REV3L: variants seen among roughly 807,000 people sequenced by gnomAD.
REV3L encodes the protein REV3 like, DNA directed polymerase zeta catalytic subunit, also known as DNA polymerase zeta catalytic subunit.
Under a neutral mutation model 299.4 loss-of-function variants are expected in REV3L, and 69 were observed. That is an observed-to-expected ratio of 0.23 (90% CI 0.19 to 0.28). REV3L has a LOEUF of 0.28. REV3L is among the 10% of genes least tolerant of loss of function. REV3L has a pLI of 1.00. For missense variants in REV3L, 3,128 were observed against 3,693.8 expected (o/e 0.85, Z 3.97); for synonymous variants, 1,238 against 1,271.4 (o/e 0.97, Z 0.56).
At chr6:111,303,518 C>T (rs1238835646) in intron 31 of REV3L, among the ~76,000 whole-genome samples, 2 of 151,404 alleles carry the variant, frequency 1.3e-5, no homozygotes, top group Non-Finnish European at 2.9e-5. Context: ...AGGTGCCTGC[C>T]ACCATACCCT....
At chr6:111,415,489 T>C (rs1049506364) in intron 2 of REV3L, among the ~76,000 whole-genome samples, 2 of 152,134 alleles carry the variant, frequency 1.3e-5, no homozygotes, top group Non-Finnish European at 2.9e-5. Context: ...CTCTGTGTAT[T>C]TGGAGATCTG....
chr6:111,359,520 G>GAAAAAAAAAA (rs371680267), intron 16 of REV3L, among the ~76,000 whole-genome samples: 1 of 102,608 alleles, frequency 9.7e-6, no homozygotes, highest in Non-Finnish European at 1.8e-5. Context: ...AGTTTTTCCT[G>GAAAAAAAAAA]AAAAAAAAAA....
intron 24 of REV3L, among the ~76,000 whole-genome samples, chr6:111,331,437 C>T (rs950276271): frequency 3.9e-5 from 6 of 152,064 alleles, no homozygotes; most frequent in Admixed American, 6.6e-5. Flanking sequence ...TTCAATATTT[C>T]GTTAACTAAA....
rs749930843 is a variant in REV3L at position 111,309,912 on chromosome 6, C to A, written c.8983G>T (p.Ala2995Ser). 1 of 1,614,014 alleles carries A rather than the reference C, an allele frequency of 6.2e-7. No individual in the cohort carries two copies. Among genetic ancestry groups the A allele is most frequent in the Non-Finnish European group, 8.5e-7 (1 of 1,179,970 alleles). ...YITKQILPPL[A>S]RIFSLIGIDV... ...ATACCAATAAGTGAGAAGATTCTTGCCAAGGGTGGAAGGATTTGCTTGGTA... is the reference window on the plus strand; with the variant it reads ...ATACCAATAAGTGAGAAGATTCTTGACAAGGGTGGAAGGATTTGCTTGGTA... Residue 2995 changes from alanine (A) to serine (S), a missense_variant, in exon 30 of 32, where the codon GCA (alanine) becomes TCA (serine). Coordinates refer to ENST00000368802, the MANE Select transcript of REV3L (RefSeq NM_001372078.1).
At position 111,388,743 on chromosome 6, in the gene REV3L, T is replaced by A. The variant is rs1051526456; in HGVS notation, c.862+363A>T. ...GGCTACATTTTCAAAGCTTAATGTATTAAACAGTGTTTCTAAGTTGAGATT... is the reference window on the plus strand; with the variant it reads ...GGCTACATTTTCAAAGCTTAATGTAATAAACAGTGTTTCTAAGTTGAGATT... On this transcript the variant is annotated intron_variant, in intron 7 of 31. Transcript: ENST00000368802. Among the ~76,000 whole-genome samples, 116 of 152,208 alleles carry A rather than the reference T, an allele frequency of 7.6e-4. 1 individual carries two copies. Among genetic ancestry groups the A allele is most frequent in the African/African-American group, 2.5e-3 (103 of 41,450 alleles).
intron 26 of REV3L, among the ~76,000 whole-genome samples, chr6:111,318,766 C>A (rs1229073537): frequency 6.6e-6 from 1 of 152,004 alleles, no homozygotes; most frequent in African/African-American, 2.4e-5. Flanking sequence ...GACGGGGTTT[C>A]TCCATGTTGG....
intron 1 of REV3L, among the ~76,000 whole-genome samples, chr6:111,439,474 G>C (rs11963233): frequency 6.6e-6 from 1 of 152,140 alleles, no homozygotes; most frequent in South Asian, 2.1e-4. Context: ...AAAACTACAC[G>C]AAAAGTTGCC....
intron 1 of REV3L, among the ~76,000 whole-genome samples, chr6:111,425,402 T>C (rs1012637729): frequency 3.9e-5 from 6 of 151,962 alleles, no homozygotes; most frequent in Non-Finnish European, 7.4e-5. Flanking sequence ...GAGCTTGCAG[T>C]GAGCGGAGAT....
intron 31 of REV3L, among the ~76,000 whole-genome samples, chr6:111,300,367 C>T (rs1321680785): frequency 5.3e-5 from 8 of 152,118 alleles, no homozygotes; most frequent in Admixed American, 5.2e-4. Flanking sequence ...AGATAGAGTA[C>T]AAATTTCCCT....
At chr6:111,342,954 T>C (rs921854252) in intron 21 of REV3L, among the ~76,000 whole-genome samples, 1 of 152,002 alleles carries the variant, frequency 6.6e-6, no homozygotes, top group African/African-American at 2.4e-5. Flanking sequence ...AAAATAAGGG[T>C]GAAATAAAGA....
chr6:111,364,399 T>A (rs1045563564), intron 15 of REV3L, among the ~76,000 whole-genome samples: 2 of 151,606 alleles, frequency 1.3e-5, no homozygotes, highest in African/African-American at 4.8e-5. Context: ...TAATATAACA[T>A]GTGTCTGAAA....
chr6:111,418,939 A>T (rs1362204433), intron 1 of REV3L, among the ~76,000 whole-genome samples: 1 of 152,230 alleles, frequency 6.6e-6, no homozygotes, highest in East Asian at 1.9e-4. Flanking sequence ...AGGACAAAGG[A>T]ATGATGTGAA....
At chr6:111,434,550 C>T (rs888264341) in intron 1 of REV3L, among the ~76,000 whole-genome samples, 8 of 150,190 alleles carry the variant, frequency 5.3e-5, no homozygotes, top group African/African-American at 1.2e-4. Context: ...ACCCGGGAAG[C>T]GGAGCTTGCA....
Position 111,372,946 on chromosome 6 carries a change from G to A in REV3L, c.5409C>T (p.Thr1803=). The A allele has an allele frequency of 1.2e-6, 2 of 1,614,040 alleles. No homozygotes were observed. The highest frequency in any genetic ancestry group is 1.1e-5 in the South Asian group (1 of 91,066). Residue 1803 remains threonine (T), a synonymous_variant, in exon 13 of 32, where the codon ACC becomes ACT. Coordinates refer to ENST00000368802, the MANE Select transcript of REV3L (RefSeq NM_001372078.1). ...CAAGAGACTGTCCCATTTCTTTTCT[G>A]GTGTGACCTTGAATCCAGTCTGAAT... ...PNNSDWIQGH[T]RKEMGQSLDS...
At chr6:111,481,981 C>G (rs1202923584) in intron 1 of REV3L, among the ~76,000 whole-genome samples, 4 of 152,198 alleles carry the variant, frequency 2.6e-5, no homozygotes, top group Non-Finnish European at 5.9e-5. Flanking sequence ...GCTGCTGAGT[C>G]TGGCTGTGGT....
At chr6:111,474,529 A>G (rs765691456) in intron 1 of REV3L, among the ~76,000 whole-genome samples, 37 of 152,330 alleles carry the variant, frequency 2.4e-4, no homozygotes, top group Non-Finnish European at 5.1e-4. Flanking sequence ...TGCACTTAAA[A>G]TATCAAAAGG....
intron 1 of REV3L, among the ~76,000 whole-genome samples, chr6:111,451,575 G>C (rs1789543896): frequency 6.6e-6 from 1 of 152,086 alleles, no homozygotes; most frequent in Non-Finnish European, 1.5e-5. Flanking sequence ...GAATAGCTCT[G>C]TGTTGCCTTC....
chr6:111,472,051 C>T (rs1418095045), intron 1 of REV3L: 3 of 1,207,458 alleles, frequency 2.5e-6, no homozygotes, highest in Non-Finnish European at 2.1e-6. Context: ...AAATCTTCCT[C>T]AGATATATTA....
At position 111,340,407 on chromosome 6, in the gene REV3L, G is replaced by GA. The variant is rs1025271769; in HGVS notation, c.7538+3517dup. Among the ~76,000 whole-genome samples, 5 of 151,996 alleles carry GA rather than the reference G, an allele frequency of 3.3e-5. No homozygotes were observed. The South Asian group carries it at 6.2e-4, about 19-fold the overall frequency. On this transcript the variant is annotated intron_variant, in intron 21 of 31. Transcript: ENST00000368802. ...ATCTAATCACAAGACATTATTTTAT[G>GA]AAAAAATGTGTTCTAAGCTTGAAAC... is the stretch of plus-strand genomic sequence containing the variant.
Sources: allele counts gnomAD v4.1 joint callset (sites outside exome capture counted in the v4.1 genomes callset), GRCh38; gene constraint gnomAD v4.1.1; transcripts MANE v1.5; gene names NCBI Gene and HGNC (gene_info 2026-07-23, HGNC 2026-07-21).